Variants in DAB2IP observed in about 807,000 individuals in gnomAD.
DAB2IP encodes disabled homolog 2-interacting protein.
In DAB2IP, 28 loss-of-function variants were observed where a neutral mutation model predicts 107.2. The ratio of observed to expected loss-of-function variants is 0.26; its 90% CI spans 0.19 to 0.36. DAB2IP has a LOEUF of 0.36. DAB2IP is among the 10% of genes least tolerant of loss of function. The pLI, the probability that DAB2IP is intolerant of heterozygous loss-of-function variation, is 1.00. For synonymous variants in DAB2IP, 755 were observed against 706.4 expected (o/e 1.07, Z -1.09); for missense variants, 1,400 against 1,644.7 (o/e 0.85, Z 2.57).
chr9:121,663,825 G>A (rs534448227), intron 1 of DAB2IP, among the ~76,000 whole-genome samples: 89 of 152,360 alleles, frequency 5.8e-4, no homozygotes, highest in African/African-American at 1.9e-3. Context: ...GAGTCACTTG[G>A]GAGCACTGTC....
In DAB2IP at chr9:121,651,603, A is replaced by C; in HGVS notation, c.-173A>C. On this transcript the variant is annotated 5_prime_UTR_variant, in exon 1 of 16. Transcript: ENST00000408936. This position sits in a 1 kb window ranked among gnomAD's most constrained non-coding sequence, Gnocchi z 5.1. ...CGGGGCCGGCTGCTCGGGGAGCGGG[A>C]GGGGGCAGGAGGCGGAGGAGGAGTT... 1.0e-6 allele frequency: 1 copy of C among 981,778 alleles called. No individual in the cohort carries two copies. The highest frequency in any genetic ancestry group is 1.2e-6 in the Non-Finnish European group (1 of 813,278). The allele number at this position is 981,778 out of a possible 1,614,324, so 60.8% of individuals were successfully genotyped here.
At chr9:121,670,960 G>A (rs895332433) in intron 1 of DAB2IP, among the ~76,000 whole-genome samples, 1 of 152,124 alleles carries the variant, frequency 6.6e-6, no homozygotes, top group African/African-American at 2.4e-5. Flanking sequence ...AGACCATCCT[G>A]GCCAACATGG....
chr9:121,756,954 T>C lies in DAB2IP; in HGVS notation c.363-59T>C, dbSNP rs1833537739. ...ACGGCCAGGGCAGATGGGTGGGACA[T>C]GGCAACCAGCTTGACCCGGGCTGTG... On this transcript the variant is annotated intron_variant, in intron 3 of 15. Transcript: ENST00000408936. The C allele has an allele frequency of 2.5e-6, 4 of 1,610,612 alleles. No individual in the cohort carries two copies. In the Admixed American group the frequency reaches 5.0e-5, roughly 20 times the overall value.
chr9:121,622,091 C>CGATTCTCCT (rs1564116909), intron 1 of DAB2IP, among the ~76,000 whole-genome samples: 1 of 149,260 alleles, frequency 6.7e-6, no homozygotes, highest in East Asian at 2.0e-4. Context: ...TGGGCTCAAG[C>CGATTCTCCT]GATTCTCCTG....
At chr9:121,636,620 C>T (rs916732258) in intron 1 of DAB2IP, among the ~76,000 whole-genome samples, 1 of 152,182 alleles carries the variant, frequency 6.6e-6, no homozygotes, top group African/African-American at 2.4e-5. Context: ...CAGGAGGTGG[C>T]TGGTACGAGA....
At chr9:121,642,123 C>A (rs1220854661) in intron 1 of DAB2IP, among the ~76,000 whole-genome samples, 1 of 147,754 alleles carries the variant, frequency 6.8e-6, no homozygotes, top group African/African-American at 2.5e-5. Flanking sequence ...CTCTGTTGCC[C>A]AGGCTGGAGT....
At chr9:121,774,754 G>A (rs1835070996) in intron 13 of DAB2IP, among the ~76,000 whole-genome samples, 1 of 152,158 alleles carries the variant, frequency 6.6e-6, no homozygotes, top group Non-Finnish European at 1.5e-5. Flanking sequence ...TGAGGGCTGA[G>A]GGTGCCCAAG....
At chr9:121,676,687 C>T (rs1833926264) in intron 1 of DAB2IP, among the ~76,000 whole-genome samples, 2 of 137,224 alleles carry the variant, frequency 1.5e-5, no homozygotes, top group Admixed American at 7.1e-5. Flanking sequence ...CAAATGAGAG[C>T]GTTGATAGGA....
chr9:121,784,416 G>A (rs1368336546), exon 16 of DAB2IP: 1 of 152,942 alleles, frequency 6.5e-6, no homozygotes, highest in Non-Finnish European at 1.5e-5. Flanking sequence ...AGCCCCCCTA[G>A]CAATACAGGG....
intron 11 of DAB2IP, among the ~76,000 whole-genome samples, chr9:121,771,983 G>T (rs1375143984): frequency 6.6e-6 from 1 of 152,212 alleles, no homozygotes; most frequent in Non-Finnish European, 1.5e-5. Context: ...AGAGAAAAGC[G>T]TAGAATGAGG....
rs895502700 is a variant in DAB2IP at position 121,782,755 on chromosome 9, T to C, written c.*257T>C. On this transcript the variant is annotated 3_prime_UTR_variant, in exon 16 of 16. Coordinates refer to ENST00000408936, the Ensembl canonical transcript of DAB2IP. The surrounding 1 kb of genome is among the most constrained non-coding windows in gnomAD (Gnocchi z 6.1). ...TGCACGCTGGGGAGTGGGGACAGCC[T>C]GATGGGGCAGGGGGCCTGCCAAAAA... The C allele has an allele frequency of 4.6e-5, 62 of 1,346,162 alleles. No individual in the cohort carries two copies. In the African/African-American group the frequency reaches 6.3e-4, roughly 14 times the overall value. The allele number at this position is 1,346,162 out of a possible 1,614,324, so 83.4% of individuals were successfully genotyped here. A position where few individuals can be genotyped will look rare whatever the true frequency, so the allele number is the denominator to read the frequency against.
rs1194843660 is a variant in DAB2IP at position 121,698,980 on chromosome 9, G to GCCCCCTCGTCCCGGTACT, written c.229-336_229-319dup. Reference sequence around the variant, plus strand: ...GGGGTCTCCGCCCCTCCGCAGCCCCGCCCCCTCGTCCCGGTACTCCCCCTC... The same window carrying GCCCCCTCGTCCCGGTACT: ...GGGGTCTCCGCCCCTCCGCAGCCCCGCCCCCTCGTCCCGGTACTCCCCCTCGTCCCGGTACTCCCCCTC... On this transcript the variant is annotated intron_variant, in intron 2 of 15. Transcript: ENST00000408936. This position sits in a 1 kb window ranked among gnomAD's most constrained non-coding sequence, Gnocchi z 4.1. Among the ~76,000 whole-genome samples the GCCCCCTCGTCCCGGTACT allele has an allele frequency of 1.3e-5, 2 of 151,582 alleles. No individual in the cohort carries two copies. The highest frequency in any genetic ancestry group is 6.6e-5 in the Admixed American group (1 of 15,236).
At chr9:121,663,919 T>C (rs2119097483) in intron 1 of DAB2IP, among the ~76,000 whole-genome samples, 1 of 152,358 alleles carries the variant, frequency 6.6e-6, no homozygotes, top group Middle Eastern at 3.4e-3. Context: ...TTGAATCCTG[T>C]TTTCAACGTT....
intron 3 of DAB2IP, among the ~76,000 whole-genome samples, chr9:121,715,514 G>A (rs1425539392): frequency 2.0e-5 from 3 of 151,592 alleles, no homozygotes; most frequent in South Asian, 2.1e-4. Context: ...CACCACACCC[G>A]GCTAATTTTT....
At chr9:121,650,015 G>T (rs555924397), upstream of DAB2IP, among the ~76,000 whole-genome samples, 1 of 151,972 alleles carries the variant, frequency 6.6e-6, no homozygotes, top group African/African-American at 2.4e-5. Flanking sequence ...TGGTTTTTTT[G>T]TTTGTTTGTT....
intron 1 of DAB2IP, among the ~76,000 whole-genome samples, chr9:121,638,062 C>T (rs1564126027): frequency 2.0e-5 from 3 of 152,110 alleles, no homozygotes; most frequent in Admixed American, 1.3e-4. Flanking sequence ...TGGGTTATGA[C>T]CTCAGGGAGA....
chr9:121,706,017 T>C (rs1240669463), intron 3 of DAB2IP, among the ~76,000 whole-genome samples: 1 of 152,204 alleles, frequency 6.6e-6, no homozygotes. Flanking sequence ...GTCGGCTTGG[T>C]GACTCCTTCC....
At chr9:121,680,874 CT>C (rs1287384652) in intron 2 of DAB2IP, among the ~76,000 whole-genome samples, 3 of 151,882 alleles carry the variant, frequency 2.0e-5, no homozygotes, top group African/African-American at 7.3e-5. Flanking sequence ...CCCCGAGTAG[CT>C]GGGATTACAG....
At chr9:121,615,421 T>G (rs73546114) in intron 1 of DAB2IP, among the ~76,000 whole-genome samples, 2 of 152,118 alleles carry the variant, frequency 1.3e-5, no homozygotes, top group African/African-American at 4.8e-5. Flanking sequence ...GTTGTAGACA[T>G]CTATATAACA....
Sources: gnomAD v4.1 joint callset for allele counts (sites outside exome capture counted in the v4.1 genomes callset) on GRCh38, gnomAD v4.1.1 for gene constraint, Gnocchi (gnomAD v3.1) non-coding constraint, MANE v1.5 for transcripts, NCBI Gene and HGNC (gene_info 2026-07-23, HGNC 2026-07-21) for gene names.